PARG: variants seen among roughly 807,000 people sequenced by gnomAD.
The protein encoded by PARG is poly(ADP-ribose) glycohydrolase, also known as mitochondrial poly(ADP-ribose) glycohydrolase.
In PARG, 35 loss-of-function variants were observed where a neutral mutation model predicts 113.0. The ratio of observed to expected loss-of-function variants is 0.31; its 90% CI spans 0.24 to 0.41. The LOEUF is 0.41. PARG is among the 10% of genes least tolerant of loss of function. The pLI, the probability that PARG is intolerant of heterozygous loss-of-function variation, is 1.00. For missense variants in PARG, 797 were observed against 1,169.4 expected (o/e 0.68, Z 4.64); for synonymous variants, 330 against 409.9 (o/e 0.81, Z 2.36).
At chr10:49,893,488 A>G (rs1319305681) in intron 7 of PARG, among the ~76,000 whole-genome samples, 11 of 152,170 alleles carry the variant, frequency 7.2e-5, no homozygotes, top group African/African-American at 2.6e-4. Context: ...ACATTTTGCA[A>G]ATATTTCGCC....
At chr10:49,825,245 T>C (rs1844295718) in intron 16 of PARG, among the ~76,000 whole-genome samples, 1 of 152,174 alleles carries the variant, frequency 6.6e-6, no homozygotes, top group Non-Finnish European at 1.5e-5. Context: ...TTTTCCACTA[T>C]GGATGTTACT....
chr10:49,820,336 CA>C, intron 16 of PARG, 43 bp from the exon 17 acceptor site: 1 of 1,457,830 alleles, frequency 6.9e-7, no homozygotes, highest in Non-Finnish European at 9.3e-7. Context: ...TGACATTTTC[CA>C]CCTAGATACC....
At chr10:49,909,070 C>T (rs1837020588) in intron 7 of PARG, among the ~76,000 whole-genome samples, 1 of 152,036 alleles carries the variant, frequency 6.6e-6, no homozygotes, top group South Asian at 2.1e-4. Context: ...ATATTTGATA[C>T]AGTTAAAATT....
At chr10:49,878,624 A>T (rs78533706) in intron 9 of PARG, among the ~76,000 whole-genome samples, 5 of 74,170 alleles carry the variant, frequency 6.7e-5, no homozygotes, top group South Asian at 8.2e-4. Flanking sequence ...TCTTAAAATT[A>T]AAAAAAAAAA....
At chr10:49,917,257 G>A (rs1399144724) in intron 6 of PARG, among the ~76,000 whole-genome samples, 1 of 152,124 alleles carries the variant, frequency 6.6e-6, no homozygotes, top group Non-Finnish European at 1.5e-5. Context: ...TTGGGAGGTT[G>A]AGGTGGGCGG....
intron 6 of PARG, among the ~76,000 whole-genome samples, chr10:49,920,544 A>G (rs145999838): frequency 0.015 from 2,078 of 139,808 alleles, 34 homozygotes; most frequent in African/African-American, 0.039. Flanking sequence ...ATATATACAC[A>G]TATATATACA....
chr10:49,874,840 C>A (rs1431378218), intron 9 of PARG, among the ~76,000 whole-genome samples: 1 of 136,128 alleles, frequency 7.3e-6, no homozygotes, highest in Non-Finnish European at 1.6e-5. Context: ...GTCGACAGAG[C>A]GAGACTCTGT....
At chr10:49,843,240 C>T (rs1845333476) in intron 14 of PARG, among the ~76,000 whole-genome samples, 1 of 152,192 alleles carries the variant, frequency 6.6e-6, no homozygotes, top group Non-Finnish European at 1.5e-5. Context: ...AGAACCTATT[C>T]TACTCAGATT....
chr10:49,842,193 A>AAAAGG lies in PARG; in HGVS notation c.2433-140_2433-136dup, dbSNP rs1289045036. On this transcript the variant is annotated intron_variant, in intron 14 of 17. Transcript: ENST00000616448. The stretch of plus-strand genomic sequence containing the variant: ...CAAACCAGTGTCTGCAGGTCTGAGC[A>AAAAGG]AAAGGAAAGGAAAGGAAACACCCTT... The AAAAGG allele has an allele frequency of 1.6e-5, 10 of 635,656 alleles. 1 individual carries two copies. The South Asian group carries it at 1.7e-4, about 11-fold the overall frequency. The allele number at this position is 635,656 out of a possible 1,614,324, so 39.4% of individuals were successfully genotyped here.
intron 14 of PARG, among the ~76,000 whole-genome samples, chr10:49,842,743 A>G (rs1242933541): frequency 6.6e-6 from 1 of 152,232 alleles, no homozygotes; most frequent in Non-Finnish European, 1.5e-5. Context: ...GCAACTTTTC[A>G]AACTGAAAAC....
chr10:49,908,260 C>A (rs1836968273), intron 7 of PARG, among the ~76,000 whole-genome samples: 1 of 152,122 alleles, frequency 6.6e-6, no homozygotes, highest in Admixed American at 6.5e-5. Flanking sequence ...AATCATAAAT[C>A]ATAAATATGA....
intron 4 of PARG, among the ~76,000 whole-genome samples, chr10:49,925,170 C>T (rs1393067673): frequency 2.0e-5 from 3 of 151,850 alleles, no homozygotes; most frequent in African/African-American, 4.8e-5. Context: ...AACTGGTCCC[C>T]GGTGCCAAAA....
chr10:49,913,623 T>C (rs1411368898), intron 7 of PARG, among the ~76,000 whole-genome samples: 1 of 152,038 alleles, frequency 6.6e-6, no homozygotes, highest in East Asian at 1.9e-4. Flanking sequence ...GAAGGTCTGG[T>C]TGAGGGCGGT....
intron 4 of PARG, among the ~76,000 whole-genome samples, chr10:49,929,984 A>C (rs1838406606): frequency 1.3e-5 from 2 of 151,416 alleles, no homozygotes; most frequent in Admixed American, 1.3e-4. Context: ...GTTTACATTT[A>C]TCTCTCTTAC....
intron 6 of PARG, among the ~76,000 whole-genome samples, chr10:49,920,726 T>C (rs1188922994): frequency 6.6e-6 from 1 of 151,572 alleles, no homozygotes; most frequent in East Asian, 1.9e-4. Context: ...AAGCAAACTC[T>C]AGCAGAACTT....
chr10:49,917,042 T>C (rs1319301642), intron 6 of PARG, among the ~76,000 whole-genome samples: 1 of 152,056 alleles, frequency 6.6e-6, no homozygotes, highest in Non-Finnish European at 1.5e-5. Context: ...TCTTATTCAC[T>C]TGGAATCAGG....
At chr10:49,900,785 C>G (rs576362181) in intron 7 of PARG, among the ~76,000 whole-genome samples, 1 of 151,578 alleles carries the variant, frequency 6.6e-6, no homozygotes, top group Non-Finnish European at 1.5e-5. Flanking sequence ...TATTACTGTA[C>G]GACTACATGG....
At chr10:49,887,250 C>T (rs2941160) in intron 7 of PARG, among the ~76,000 whole-genome samples, 3 of 151,790 alleles carry the variant, frequency 2.0e-5, no homozygotes, top group African/African-American at 4.8e-5. Context: ...ATTTACAGGA[C>T]GTTATAGTAC....
chr10:49,844,286 T>C (rs1208271269), intron 13 of PARG, among the ~76,000 whole-genome samples: 1 of 151,956 alleles, frequency 6.6e-6, no homozygotes, highest in Non-Finnish European at 1.5e-5. Context: ...TTACCCATAA[T>C]GTCAAAAACC....
Sources: gnomAD v4.1 joint callset for allele counts (sites outside exome capture counted in the v4.1 genomes callset) on GRCh38, gnomAD v4.1.1 for gene constraint, MANE v1.5 for transcripts, NCBI Gene and HGNC (gene_info 2026-07-23, HGNC 2026-07-21) for gene names.